The following ST6GALNAC5 variants were observed in gnomAD, a reference collection of about 807,000 sequenced individuals.
ST6GALNAC5 encodes the protein ST6 N-acetylgalactosaminide alpha-2,6-sialyltransferase 5, also known as alpha-N-acetylgalactosaminide alpha-2,6-sialyltransferase 5.
ST6GALNAC5 carries 27 observed loss-of-function variants against 33.6 expected under a neutral mutation model. That is an observed-to-expected ratio of 0.80 (90% confidence interval 0.59 to 1.11). The LOEUF is 1.11. Among genes scored for constraint, ST6GALNAC5 ranks in the 50% least tolerant of loss-of-function variants. The pLI is 0.00. For synonymous variants in ST6GALNAC5, 194 were observed against 171.2 expected (o/e 1.13, Z -1.04); for missense variants, 428 against 454.0 (o/e 0.94, Z 0.52).
chr1:76,968,587 G>T (rs776353545), intron 2 of ST6GALNAC5, among the ~76,000 whole-genome samples: 50 of 152,306 alleles, frequency 3.3e-4, no homozygotes, highest in Non-Finnish European at 6.0e-4. Context: ...TACAGTTAAG[G>T]TTAGTATTGT....
intron 2 of ST6GALNAC5, among the ~76,000 whole-genome samples, chr1:76,956,698 C>T (rs892297714): frequency 6.6e-5 from 10 of 152,164 alleles, no homozygotes; most frequent in African/African-American, 2.4e-4. Context: ...TCCCTCCACT[C>T]ACTTCTACTG....
chr1:77,016,043 C>T (rs1055080223), intron 2 of ST6GALNAC5, among the ~76,000 whole-genome samples: 2 of 151,120 alleles, frequency 1.3e-5, no homozygotes, highest in Non-Finnish European at 3.0e-5. Flanking sequence ...TCCTCTTCCC[C>T]TCAAATCTCC....
At chr1:77,058,150 C>G (rs967829532) in intron 4 of ST6GALNAC5, among the ~76,000 whole-genome samples, 1 of 152,244 alleles carries the variant, frequency 6.6e-6, no homozygotes, top group Non-Finnish European at 1.5e-5. Context: ...CAGAACCTCA[C>G]TCTTAAGAGT....
At chr1:76,985,169 A>G (rs749662646) in intron 2 of ST6GALNAC5, among the ~76,000 whole-genome samples, 7 of 152,218 alleles carry the variant, frequency 4.6e-5, no homozygotes, top group Non-Finnish European at 7.3e-5. Flanking sequence ...GGCCAAGGCA[A>G]TCAGGCAAGA....
intron 2 of ST6GALNAC5, among the ~76,000 whole-genome samples, chr1:77,018,053 T>C (rs73003391): frequency 0.035 from 5,284 of 152,232 alleles, 238 homozygotes; most frequent in African/African-American, 0.1. Context: ...AGATCCTTCA[T>C]TGGCGCTGAG....
chr1:76,874,243 G>A (rs1172726392), intron 2 of ST6GALNAC5, among the ~76,000 whole-genome samples: 4 of 152,098 alleles, frequency 2.6e-5, no homozygotes, highest in Non-Finnish European at 2.9e-5. Flanking sequence ...CTTCAAAGTG[G>A]CTTGATTTTA....
intron 2 of ST6GALNAC5, among the ~76,000 whole-genome samples, chr1:77,006,739 TACA>T (rs1238320906): frequency 6.6e-6 from 1 of 152,220 alleles, no homozygotes; most frequent in African/African-American, 2.4e-5. Context: ...ATTAGTAGCT[TACA>T]ACAACAACCA....
intron 2 of ST6GALNAC5, among the ~76,000 whole-genome samples, chr1:77,011,796 T>C (rs1570094728): frequency 6.6e-6 from 1 of 152,260 alleles, no homozygotes; most frequent in South Asian, 2.1e-4. Flanking sequence ...ATCATTTTGA[T>C]AGTAACATTT....
At chr1:77,050,834 G>A (rs565110640) in intron 4 of ST6GALNAC5, among the ~76,000 whole-genome samples, 2 of 152,328 alleles carry the variant, frequency 1.3e-5, no homozygotes, top group South Asian at 4.1e-4. Context: ...AAGGCCAAAA[G>A]CACAGGCATA....
chr1:76,974,298 G>A (rs1648904118), intron 2 of ST6GALNAC5, among the ~76,000 whole-genome samples: 1 of 124,102 alleles, frequency 8.1e-6, no homozygotes, highest in African/African-American at 2.6e-5. Flanking sequence ...TCAAACTCCT[G>A]GGCTCAAAGT....
intron 2 of ST6GALNAC5, among the ~76,000 whole-genome samples, chr1:76,907,556 G>C (rs918454620): frequency 1.3e-5 from 2 of 152,136 alleles, no homozygotes; most frequent in African/African-American, 4.8e-5. Flanking sequence ...CTGCTCCACA[G>C]TTTCTTGCAT....
chr1:76,943,306 A>G (rs1647400678), intron 2 of ST6GALNAC5, among the ~76,000 whole-genome samples: 1 of 152,134 alleles, frequency 6.6e-6, no homozygotes, highest in Admixed American at 6.5e-5. Context: ...TCTAGGGTCC[A>G]CAGTCTTTAC....
intron 2 of ST6GALNAC5, among the ~76,000 whole-genome samples, chr1:76,912,194 T>C (rs1646921014): frequency 6.6e-6 from 1 of 152,182 alleles, no homozygotes; most frequent in South Asian, 2.1e-4. Context: ...CCAGTAGTCA[T>C]TCAGGAGCAG....
At chr1:77,054,711 T>A (rs1652335174) in intron 4 of ST6GALNAC5, among the ~76,000 whole-genome samples, 1 of 152,024 alleles carries the variant, frequency 6.6e-6, no homozygotes, top group South Asian at 2.1e-4. Flanking sequence ...CAAGGGGAAG[T>A]GTAGGTAACC....
intron 2 of ST6GALNAC5, among the ~76,000 whole-genome samples, chr1:76,963,371 G>A (rs917514677): frequency 2.6e-5 from 4 of 152,208 alleles, no homozygotes; most frequent in African/African-American, 9.6e-5. Context: ...TATTACAGCA[G>A]ATACAGTTCT....
At chr1:76,959,448 G>T (rs1361436064) in intron 2 of ST6GALNAC5, among the ~76,000 whole-genome samples, 1 of 152,070 alleles carries the variant, frequency 6.6e-6, no homozygotes, top group Non-Finnish European at 1.5e-5. Context: ...TAGACCTTCT[G>T]TTCTTGCCTA....
At chr1:76,941,643 T>A (rs1462661285) in intron 2 of ST6GALNAC5, among the ~76,000 whole-genome samples, 1 of 152,030 alleles carries the variant, frequency 6.6e-6, no homozygotes, top group Admixed American at 6.6e-5. Context: ...AAGACATGGA[T>A]ACAGAGAAGA....
intron 2 of ST6GALNAC5, among the ~76,000 whole-genome samples, chr1:76,920,044 G>A (rs1292665799): frequency 6.6e-6 from 1 of 152,108 alleles, no homozygotes; most frequent in Non-Finnish European, 1.5e-5. Context: ...GAGAAATGAT[G>A]TCCTGTATCA....
intron 2 of ST6GALNAC5, among the ~76,000 whole-genome samples, chr1:76,936,328 G>T (rs1389271110): frequency 6.6e-6 from 1 of 151,954 alleles, no homozygotes; most frequent in Non-Finnish European, 1.5e-5. Flanking sequence ...TCCCACCTAT[G>T]ATTTTCTTTA....
Sources: gnomAD v4.1 joint callset for allele counts (sites outside exome capture counted in the v4.1 genomes callset) on GRCh38, gnomAD v4.1.1 for gene constraint, MANE v1.5 for transcripts, NCBI Gene and HGNC (gene_info 2026-07-23, HGNC 2026-07-21) for gene names.